Variants in ARID4A observed in about 807,000 individuals in gnomAD.
ARID4A encodes AT-rich interactive domain-containing protein 4A.
Under a neutral mutation model 148.6 loss-of-function variants are expected in ARID4A, and 39 were observed. That is an observed-to-expected ratio of 0.26 (90% CI 0.20 to 0.34). ARID4A has a LOEUF of 0.34. Among genes scored for constraint, ARID4A ranks in the 10% least tolerant of loss-of-function variants. The pLI is 1.00. For synonymous variants in ARID4A, 475 were observed against 481.2 expected (o/e 0.99, Z 0.17); for missense variants, 1,265 against 1,449.1 (o/e 0.87, Z 2.06).
intron 8 of ARID4A, among the ~76,000 whole-genome samples, chr14:58,327,702 C>T (rs1273109092): frequency 6.6e-6 from 1 of 152,124 alleles, no homozygotes; most frequent in Non-Finnish European, 1.5e-5. Context: ...AATGGGGTCT[C>T]ATTCTGTCAC....
chr14:58,307,593 G>A (rs2031705524), intron 5 of ARID4A, among the ~76,000 whole-genome samples: 1 of 152,182 alleles, frequency 6.6e-6, no homozygotes, highest in African/African-American at 2.4e-5. Flanking sequence ...GGCGAGGTGG[G>A]CGGATCACCT....
chr14:58,339,700 T>C (rs1443714529), intron 11 of ARID4A, among the ~76,000 whole-genome samples: 3 of 152,156 alleles, frequency 2.0e-5, no homozygotes, highest in African/African-American at 7.2e-5. Context: ...TAAAGAACTT[T>C]GTTAGATTGG....
chr14:58,343,172 C>G (rs1191520211), intron 11 of ARID4A, among the ~76,000 whole-genome samples: 1 of 152,216 alleles, frequency 6.6e-6, no homozygotes, highest in Non-Finnish European at 1.5e-5. Flanking sequence ...ACTGCCATCT[C>G]TTAATCTGAG....
Position 58,365,262 on chromosome 14 carries a change from G to A in ARID4A, c.3173G>A (p.Cys1058Tyr), listed in dbSNP as rs2035305068. Residue 1058 changes from cysteine (C) to tyrosine (Y), a missense_variant, in exon 20 of 24, where the codon TGT becomes TAT. By Grantham distance (194) the Cys-to-Tyr change is radical. Coordinates refer to ENST00000355431, the MANE Select transcript of ARID4A (RefSeq NM_002892.4). ...GAAACTAATGTTGCCTCTGGTACCTGTAGTATAATTGTACAAGAGAGAGAG... is the reference window on the plus strand; with the variant it reads ...GAAACTAATGTTGCCTCTGGTACCTATAGTATAATTGTACAAGAGAGAGAG... ...GFETNVASGT[C>Y]SIIVQERESR... The A allele has an allele frequency of 6.2e-7, 1 of 1,613,940 alleles. No homozygotes were observed. Among genetic ancestry groups the A allele is most frequent in the Non-Finnish European group, 8.5e-7 (1 of 1,179,900 alleles).
intron 4 of ARID4A, among the ~76,000 whole-genome samples, chr14:58,305,673 C>T (rs921473889): frequency 6.6e-6 from 1 of 152,022 alleles, no homozygotes; most frequent in African/African-American, 2.4e-5. Context: ...TACAGTTCTT[C>T]GATTTAATTT....
chr14:58,321,324 G>C (rs2032874030), intron 7 of ARID4A, among the ~76,000 whole-genome samples: 1 of 151,986 alleles, frequency 6.6e-6, no homozygotes, highest in Non-Finnish European at 1.5e-5. Context: ...TACATTTTTT[G>C]GTTATCGCTT....
Position 58,372,180 on chromosome 14 carries a change from AGT to A in ARID4A, c.*193_*194del, listed in dbSNP as rs773070400. 47 of 497,218 alleles carry A rather than the reference AGT, an allele frequency of 9.5e-5. No homozygotes were observed. Among genetic ancestry groups the A allele is most frequent in the Non-Finnish European group, 8.9e-5 (25 of 281,314 alleles). The allele number at this position is 497,218 out of a possible 1,614,324, so 30.8% of individuals were successfully genotyped here. A position where few individuals can be genotyped will look rare whatever the true frequency, so the allele number is the denominator to read the frequency against. ...GTTGCAAAAAATAAGCTGATTAATA[AGT>A]GAAGGTTAAGCAGCCTGCCATATTT... is the stretch of plus-strand genomic sequence containing the variant. On this transcript the variant is annotated 3_prime_UTR_variant, in exon 24 of 24. Transcript: ENST00000355431.
intron 11 of ARID4A, among the ~76,000 whole-genome samples, chr14:58,337,543 AAAGTTC>A (rs1465304869): frequency 6.6e-6 from 1 of 152,104 alleles, no homozygotes; most frequent in African/African-American, 2.4e-5. Flanking sequence ...AAGGTTCTAG[AAAGTTC>A]ACCTTGGCAG....
At chr14:58,368,795 A>G (rs2035473079) in intron 23 of ARID4A, among the ~76,000 whole-genome samples, 1 of 152,236 alleles carries the variant, frequency 6.6e-6, no homozygotes, top group African/African-American at 2.4e-5. Flanking sequence ...CATAGCCTGA[A>G]GGTAATTTTA....
intron 5 of ARID4A, among the ~76,000 whole-genome samples, chr14:58,306,727 A>T (rs2031632775): frequency 6.6e-6 from 1 of 152,090 alleles, no homozygotes; most frequent in African/African-American, 2.4e-5. Context: ...AAAATACACA[A>T]ATTAGCCTGG....
chr14:58,343,800 A>G (rs1374679491), intron 11 of ARID4A, among the ~76,000 whole-genome samples: 2 of 151,974 alleles, frequency 1.3e-5, no homozygotes, highest in Non-Finnish European at 2.9e-5. Flanking sequence ...ATTACACTCC[A>G]GCCTAGGCAG....
rs112199856 is a variant in ARID4A, at chr14:58,360,638, A to G, written c.1939-263A>G. On this transcript the variant is annotated intron_variant, in intron 18 of 23. Transcript: ENST00000355431. The stretch of plus-strand genomic sequence containing the variant: ...ATTGCAGTATTACAAATTGTACAAT[A>G]TTGTATTTACATAAATACAAAATAT... Among the ~76,000 whole-genome samples, 173 of 152,326 alleles carry G rather than the reference A, an allele frequency of 1.1e-3. 2 individuals carry two copies. The highest frequency in any genetic ancestry group is 4.1e-3 in the African/African-American group (170 of 41,558).
At chr14:58,333,729 T>G (rs1447235908) in intron 11 of ARID4A, among the ~76,000 whole-genome samples, 1 of 152,154 alleles carries the variant, frequency 6.6e-6, no homozygotes. Context: ...TCATATTATT[T>G]GTGCATATTT....
chr14:58,352,803 A>G (rs973804966), intron 16 of ARID4A, among the ~76,000 whole-genome samples: 2 of 152,174 alleles, frequency 1.3e-5, no homozygotes, highest in African/African-American at 2.4e-5. Context: ...CAGTTCTCCT[A>G]TAAGTCTTTA....
At chr14:58,365,489 T>TTTTGAA in intron 20 of ARID4A, 29 bp from the exon 21 acceptor site, 1 of 985,682 alleles carries the variant, frequency 1.0e-6, no homozygotes, top group South Asian at 1.6e-5. Context: ...TTTTTTTTTT[T>TTTTGAA]CAACATTCTC....
At chr14:58,299,110 C>T (rs981261925) in intron 1 of ARID4A, among the ~76,000 whole-genome samples, 8 of 152,254 alleles carry the variant, frequency 5.3e-5, no homozygotes, top group Admixed American at 5.2e-4. Flanking sequence ...TTGAGGCGGG[C>T]GCTGGGAGGA....
chr14:58,308,270 A>G lies in ARID4A; in HGVS notation c.274+2158A>G, dbSNP rs138858222. 3.8e-3 allele frequency among the ~76,000 whole-genome samples: 577 copies of G among 152,352 alleles called. 3 individuals are homozygous for G. Among genetic ancestry groups the G allele is most frequent in the Non-Finnish European group, 6.7e-3 (453 of 68,032 alleles). ...AATCTTAATTGCATATAATTGAGGT[A>G]TCAAGCATTAGTGGACATAAGAATC... On this transcript the variant is annotated intron_variant, in intron 5 of 23. Transcript: ENST00000355431.
chr14:58,365,649 GTA>G, intron 21 of ARID4A, 27 bp downstream of exon 21: 1 of 1,580,926 alleles, frequency 6.3e-7, no homozygotes, highest in Non-Finnish European at 8.7e-7. Flanking sequence ...GCTAGCTTTT[GTA>G]TAGTGTTAGT....
intron 5 of ARID4A, among the ~76,000 whole-genome samples, chr14:58,316,625 G>C (rs372076344): frequency 6.6e-6 from 1 of 152,098 alleles, no homozygotes. Context: ...TTGTTGTCCA[G>C]GCTGGAGTGC....
Sources: gnomAD v4.1 joint callset for allele counts (sites outside exome capture counted in the v4.1 genomes callset) on GRCh38, gnomAD v4.1.1 for gene constraint, MANE v1.5 for transcripts, NCBI Gene and HGNC (gene_info 2026-07-23, HGNC 2026-07-21) for gene names.